DHTKD1: variants seen among roughly 807,000 people sequenced by gnomAD.
DHTKD1 encodes 2-oxoadipate dehydrogenase complex component E1.
DHTKD1 carries 78 observed loss-of-function variants against 101.8 expected under a neutral mutation model. The observed-to-expected ratio is 0.77, with a 90% CI of 0.64 to 0.93. The LOEUF (loss-of-function observed/expected upper bound fraction) is 0.93, where lower values mean the gene tolerates loss of function less well. Among genes scored for constraint, DHTKD1 ranks in the 40% least tolerant of loss-of-function variants. The pLI is 0.00. For missense variants in DHTKD1, 1,223 were observed against 1,161.7 expected (o/e 1.05, Z -0.77); for synonymous variants, 462 against 450.3 (o/e 1.03, Z -0.33).
chr10:12,097,344 C>T (rs1022303309), intron 7 of DHTKD1, among the ~76,000 whole-genome samples: 1 of 152,152 alleles, frequency 6.6e-6, no homozygotes, highest in Admixed American at 6.6e-5. Flanking sequence ...GCCATCTCGG[C>T]TCACTGCAAC....
At chr10:12,089,356 C>T (rs1832954459) in intron 5 of DHTKD1, 101 bp downstream of exon 5, 4 of 1,115,926 alleles carry the variant, frequency 3.6e-6, no homozygotes, top group Non-Finnish European at 3.8e-6. Flanking sequence ...CATGATGAAA[C>T]TGAGATGACC....
chr10:12,088,411 G>A (rs1195372959), intron 4 of DHTKD1, among the ~76,000 whole-genome samples: 1 of 151,778 alleles, frequency 6.6e-6, no homozygotes, highest in Non-Finnish European at 1.5e-5. Flanking sequence ...GATGGAGGCT[G>A]CAGTGAGCTG....
chr10:12,106,252 A>G lies in DHTKD1; in HGVS notation c.1903A>G (p.Asn635Asp). The G allele has an allele frequency of 6.2e-7, 1 of 1,614,140 alleles. No homozygotes were observed. The highest frequency in any genetic ancestry group is 1.3e-5 in the African/African-American group (1 of 75,048). Residue 635 changes from asparagine (N) to aspartate (D), a missense_variant, in exon 11 of 17, where the codon AAC (asparagine) becomes GAC (aspartate). Coordinates refer to ENST00000263035, the MANE Select transcript of DHTKD1 (RefSeq NM_018706.7). ...TTCTCTTCTCTGGGATTAGGTCAGC[A>G]ACAGCCCACTGTCAGAAGAGGCCGT... ...PNQKGFLEVS[N>D]SPLSEEAVLG...
At chr10:12,082,728 C>A (rs188211956) in intron 2 of DHTKD1, among the ~76,000 whole-genome samples, 1 of 151,558 alleles carries the variant, frequency 6.6e-6, no homozygotes, top group Non-Finnish European at 1.5e-5. Context: ...AAACATAAAG[C>A]GACATGATTA....
chr10:12,116,093 G>C (rs1833412446), intron 13 of DHTKD1, among the ~76,000 whole-genome samples: 1 of 151,968 alleles, frequency 6.6e-6, no homozygotes. Context: ...ACCATGCCTG[G>C]CTCATTTTTG....
intron 13 of DHTKD1, among the ~76,000 whole-genome samples, chr10:12,114,574 GCATGAGC>G (rs1041728612): frequency 1.3e-5 from 2 of 152,180 alleles, no homozygotes; most frequent in African/African-American, 4.8e-5. Context: ...GGGATTACAG[GCATGAGC>G]CACCGTGCCC....
Position 12,107,887 on chromosome 10 carries a change from T to A in DHTKD1, c.2048-22T>A. 1 of 1,519,192 alleles carries A rather than the reference T, an allele frequency of 6.6e-7. No homozygotes were observed. The highest frequency in any genetic ancestry group is 1.1e-5 in the South Asian group (1 of 88,970). 94.1% of individuals were successfully genotyped at this position (1,519,192 alleles called of 1,614,324 possible). A position where few individuals can be genotyped will look rare whatever the true frequency, so the allele number is the denominator to read the frequency against. On this transcript the variant is annotated intron_variant, in intron 11 of 16. Coordinates refer to ENST00000263035, the MANE Select transcript of DHTKD1 (RefSeq NM_018706.7). This position sits in a 1 kb window ranked among gnomAD's most constrained non-coding sequence, Gnocchi z 4.1. ...TGTCCCCGCTTCGTAGAGCTCTTAC[T>A]CCCCACGTGGTACTTTTCCAGGAGA...
At chr10:12,111,716 T>C (rs1458362163) in intron 12 of DHTKD1, among the ~76,000 whole-genome samples, 1 of 151,522 alleles carries the variant, frequency 6.6e-6, no homozygotes, top group Non-Finnish European at 1.5e-5. Flanking sequence ...TCTGAGGACA[T>C]GCTGTTAGGT....
rs187311544 is a variant in DHTKD1, at chr10:12,085,376, C to T, written c.522+625C>T. On this transcript the variant is annotated intron_variant, in intron 3 of 16. Transcript: ENST00000263035. ...CCATTAACTCTGAGCTTAAATCCCT[C>T]GTTACTTCAACACAACAGATCATAT... 1.2e-3 allele frequency among the ~76,000 whole-genome samples: 187 copies of T among 152,214 alleles called. 2 individuals carry two copies. Among genetic ancestry groups the T allele is most frequent in the Admixed American group, 7.8e-3 (119 of 15,264 alleles).
chr10:12,121,701 A>T lies in DHTKD1; in HGVS notation c.*813A>T, dbSNP rs1166601761. The stretch of plus-strand genomic sequence containing the variant: ...CTTGAACCTGGAAGGCAGAGGTTGC[A>T]GTGAGCCGAAATGGCGCCACTGTAC... On this transcript the variant is annotated 3_prime_UTR_variant, in exon 17 of 17. Transcript: ENST00000263035. 1 of 152,314 alleles carries T rather than the reference A, an allele frequency of 6.6e-6. No homozygotes were observed. Among genetic ancestry groups the T allele is most frequent in the Non-Finnish European group, 1.5e-5 (1 of 68,126 alleles). The allele number at this position is 152,314 out of a possible 1,614,324, so 9.4% of individuals were successfully genotyped here.
chr10:12,086,200 AATTT>A (rs1420600212), intron 3 of DHTKD1, among the ~76,000 whole-genome samples: 1 of 147,222 alleles, frequency 6.8e-6, no homozygotes, highest in East Asian at 2.0e-4. Context: ...ATTTATTTAA[AATTT>A]ATTTTTCTTT....
chr10:12,075,183 C>T (rs977742001), intron 1 of DHTKD1, among the ~76,000 whole-genome samples: 4 of 152,004 alleles, frequency 2.6e-5, no homozygotes, highest in African/African-American at 9.7e-5. Context: ...GCTTCTGTTT[C>T]TTTTTCTTTT....
intron 1 of DHTKD1, among the ~76,000 whole-genome samples, chr10:12,069,773 A>T (rs749857286): frequency 2.1e-5 from 3 of 142,194 alleles, no homozygotes; most frequent in Non-Finnish European, 4.5e-5. Context: ...CTTGAGCTCA[A>T]GCTGATCCTG....
chr10:12,081,036 C>T (rs1029730722), intron 1 of DHTKD1, among the ~76,000 whole-genome samples: 3 of 151,936 alleles, frequency 2.0e-5, no homozygotes, highest in African/African-American at 7.2e-5. Flanking sequence ...TGCGGTGGCT[C>T]ACGCCTGTAA....
At chr10:12,073,324 C>T (rs1369300391) in intron 1 of DHTKD1, among the ~76,000 whole-genome samples, 4 of 152,026 alleles carry the variant, frequency 2.6e-5, no homozygotes, top group Admixed American at 6.6e-5. Flanking sequence ...TGAGCCACTG[C>T]ACCCAGTCCA....
At chr10:12,117,780 T>C (rs758934351) in intron 14 of DHTKD1, 25 bp downstream of exon 14, 11 of 1,368,222 alleles carry the variant, frequency 8.0e-6, no homozygotes, top group South Asian at 2.5e-5. Context: ...TCTGTTTTCA[T>C]ATTCTGTGGC....
In DHTKD1 at chr10:12,089,008, G is replaced by A; in HGVS notation, c.740G>A (p.Gly247Asp). 6.2e-7 allele frequency: 1 copy of A among 1,613,966 alleles called. No individual in the cohort carries two copies. Residue 247 changes from glycine to aspartate, a missense_variant, in exon 5 of 17, where the codon GGC becomes GAC. Transcript: ENST00000263035. The part of the protein sequence containing the change: ...PPELMFRKMR[G>D]LSEFPENFSA... ...TAGCTGATGTTCCGTAAAATGCGAG[G>A]CTTAAGTGAATTTCCAGAGAATTTC... is the stretch of plus-strand genomic sequence containing the variant.
rs941507809 is a variant in DHTKD1 at position 12,110,070 on chromosome 10, G to A, written c.2154+2055G>A. On this transcript the variant is annotated intron_variant, in intron 12 of 16. Coordinates refer to ENST00000263035, the MANE Select transcript of DHTKD1 (RefSeq NM_018706.7). The surrounding 1 kb of genome is among the most constrained non-coding windows in gnomAD (Gnocchi z 4.9). ...TCCCAGCACTTTGGGAGGCCGAGGC[G>A]GGCGGATCATGAGGTCAGGAGATGA... Among the ~76,000 whole-genome samples the A allele has an allele frequency of 1.6e-4, 25 of 152,228 alleles. No individual in the cohort carries two copies. In the East Asian group the frequency reaches 4.4e-3, roughly 27 times the overall value.
chr10:12,069,227 A>T (rs1284809942), intron 1 of DHTKD1, 40 bp downstream of exon 1: 2 of 1,370,770 alleles, frequency 1.5e-6, no homozygotes, highest in Non-Finnish European at 1.9e-6. Flanking sequence ...GGGGGCTGGG[A>T]CGCAGAAGCC....
Sources: allele counts gnomAD v4.1 joint callset (sites outside exome capture counted in the v4.1 genomes callset), GRCh38; gene constraint gnomAD v4.1.1; non-coding constraint Gnocchi (gnomAD v3.1); transcripts MANE v1.5; gene names NCBI Gene and HGNC (gene_info 2026-07-23, HGNC 2026-07-21).